ATP10A: variants seen among roughly 807,000 people sequenced by gnomAD.
ATP10A encodes the protein phospholipid-transporting ATPase VA.
ATP10A carries 111 observed loss-of-function variants against 147.8 expected under a neutral mutation model. The observed-to-expected ratio is 0.75, with a 90% confidence interval of 0.64 to 0.88. ATP10A has a LOEUF of 0.88. Ranked by LOEUF, ATP10A falls within the 40% of genes least tolerant of loss-of-function variation. The pLI, the probability that ATP10A is intolerant of heterozygous loss-of-function variation, is 0.00. For synonymous variants in ATP10A, 875 were observed against 841.6 expected (o/e 1.04, Z -0.69); for missense variants, 1,927 against 1,959.0 (o/e 0.98, Z 0.31).
chr15:25,716,707 C>A, intron 9 of ATP10A, 23 bp downstream of exon 9: 1 of 1,539,920 alleles, frequency 6.5e-7, no homozygotes, highest in Non-Finnish European at 8.8e-7. Flanking sequence ...CAAGGTCAAG[C>A]TCAGGGACCC....
intron 10 of ATP10A, among the ~76,000 whole-genome samples, chr15:25,711,277 G>T (rs527549864): frequency 6.6e-6 from 1 of 152,106 alleles, no homozygotes; most frequent in Non-Finnish European, 1.5e-5. Context: ...TCTGGAGTGG[G>T]ACACCTCTGT....
intron 3 of ATP10A, among the ~76,000 whole-genome samples, chr15:25,735,814 ACCT>A (rs1284463633): frequency 1.3e-5 from 2 of 152,078 alleles, no homozygotes; most frequent in African/African-American, 4.8e-5. Flanking sequence ...GAAAAGCGGT[ACCT>A]CCTCCTCACA....
At chr15:25,822,892 T>C (rs181067847) in intron 1 of ATP10A, among the ~76,000 whole-genome samples, 3 of 152,326 alleles carry the variant, frequency 2.0e-5, no homozygotes, top group Non-Finnish European at 2.9e-5. Context: ...TAGATTCCTA[T>C]GTAATATTTT....
At position 25,691,704 on chromosome 15, in the gene ATP10A, T is replaced by C. The variant is rs922024777; in HGVS notation, c.3165+11A>G. ...CAATTGGTCACACAGAATAGCCTGATTGGTCTTTACCTGCATACCCTCCTG... is the reference window on the plus strand; with the variant it reads ...CAATTGGTCACACAGAATAGCCTGACTGGTCTTTACCTGCATACCCTCCTG... On this transcript the variant is annotated intron_variant, in intron 15 of 20. Transcript: ENST00000555815. The C allele has an allele frequency of 3.1e-6, 5 of 1,613,962 alleles. No individual in the cohort carries two copies. The highest frequency in any genetic ancestry group is 4.5e-5 in the East Asian group (2 of 44,886).
At chr15:25,809,766 G>T (rs974752147) in intron 1 of ATP10A, among the ~76,000 whole-genome samples, 7 of 152,120 alleles carry the variant, frequency 4.6e-5, no homozygotes, top group African/African-American at 1.7e-4. Flanking sequence ...GCAACATACT[G>T]TAACTTAAGC....
intron 14 of ATP10A, among the ~76,000 whole-genome samples, chr15:25,692,435 C>A (rs1431292897): frequency 1.3e-5 from 2 of 152,178 alleles, no homozygotes; most frequent in Admixed American, 1.3e-4. Flanking sequence ...CACTCCGTGA[C>A]GGTCACCATT....
intron 1 of ATP10A, among the ~76,000 whole-genome samples, chr15:25,833,632 C>G (rs1892463039): frequency 6.6e-6 from 1 of 152,192 alleles, no homozygotes; most frequent in South Asian, 2.1e-4. Context: ...CTCTCAGTTC[C>G]TATGTTACTC....
intron 1 of ATP10A, among the ~76,000 whole-genome samples, chr15:25,784,301 C>T (rs902771634): frequency 3.3e-5 from 5 of 152,272 alleles, no homozygotes; most frequent in African/African-American, 1.2e-4. Context: ...CAGTCCTGGG[C>T]CTCACCCTGG....
Position 25,727,151 on chromosome 15 carries a change from C to A in ATP10A, c.847+9G>T. ...CTGGCGGCAGGTGGTGCCAGGTGCC[C>A]GAGCCTACCTGCGTAGATGACAATG... is the stretch of plus-strand genomic sequence containing the variant. On this transcript the variant is annotated intron_variant, in intron 4 of 20. Transcript: ENST00000555815. 6.2e-7 allele frequency: 1 copy of A among 1,610,768 alleles called. No individual in the cohort carries two copies. The highest frequency in any genetic ancestry group is 8.5e-7 in the Non-Finnish European group (1 of 1,176,984).
Position 25,862,799 on chromosome 15 carries a change from C to G in ATP10A, c.298G>C (p.Val100Leu), listed in dbSNP as rs140289242. 4,222 of 1,610,470 alleles carry G rather than the reference C, an allele frequency of 2.6e-3. 13 individuals carry two copies. The highest frequency in any genetic ancestry group is 3.4e-3 in the South Asian group (307 of 90,414). The change falls in exon 1 of 21, where the codon GTG becomes CTG. Residue 100 changes from valine (V) to leucine (L), a missense_variant. By Grantham distance (32) the Val-to-Leu change is conservative. Coordinates refer to ENST00000555815, the MANE Select transcript of ATP10A (RefSeq NM_024490.4). ...GGCTGGAAGGCGTTCACCGCCGGCA[C>G]GAAGTTGAGCAGCGCGATGAAGACA... ...YFVFIALLNF[V>L]PAVNAFQPGL...
intron 2 of ATP10A, among the ~76,000 whole-genome samples, chr15:25,775,365 T>C (rs1368952773): frequency 4.6e-5 from 7 of 152,314 alleles, no homozygotes; most frequent in Admixed American, 2.6e-4. Flanking sequence ...CTGACTCTCC[T>C]TTGTAAAGAA....
intron 1 of ATP10A, among the ~76,000 whole-genome samples, chr15:25,819,011 T>C (rs1220486639): frequency 6.6e-6 from 1 of 152,162 alleles, no homozygotes; most frequent in Non-Finnish European, 1.5e-5. Context: ...CTGCTGGACG[T>C]TGGTCTAGGC....
chr15:25,812,202 T>C (rs1006191146), intron 1 of ATP10A, among the ~76,000 whole-genome samples: 2 of 152,234 alleles, frequency 1.3e-5, no homozygotes, highest in African/African-American at 2.4e-5. Flanking sequence ...TTCCTTAGTT[T>C]CTGACTTTTC....
chr15:25,807,648 C>A (rs887551313), intron 1 of ATP10A, among the ~76,000 whole-genome samples: 3 of 151,958 alleles, frequency 2.0e-5, no homozygotes, highest in Non-Finnish European at 4.4e-5. Flanking sequence ...ATGAAAAATA[C>A]AAAATTAGCT....
chr15:25,694,949 G>C lies in ATP10A; in HGVS notation c.2958C>G (p.Asn986Lys). The change falls in exon 14 of 21, where the codon AAC (asparagine) becomes AAG (lysine). Residue 986 changes from asparagine to lysine, a missense_variant. Asn to Lys is a moderately conservative substitution (Grantham distance 94). Coordinates refer to ENST00000555815, the MANE Select transcript of ATP10A (RefSeq NM_024490.4). ...GRSLAYALEK[N>K]LEDKFLFLAK... ...CAAGGAAGAGGAATTTGTCCTCCAG[G>C]TTTTTCTCGAGAGCGTAGGCCAGGC... 6.2e-7 allele frequency: 1 copy of C among 1,614,202 alleles called. No homozygotes were observed. The highest frequency in any genetic ancestry group is 8.5e-7 in the Non-Finnish European group (1 of 1,180,046).
chr15:25,765,856 C>T (rs1193257820), intron 2 of ATP10A, among the ~76,000 whole-genome samples: 1 of 152,216 alleles, frequency 6.6e-6, no homozygotes, highest in Admixed American at 6.5e-5. Flanking sequence ...CAGGGCAGTG[C>T]TGAGGGCGGC....
chr15:25,679,668 C>A lies in ATP10A; in HGVS notation c.4173G>T (p.Pro1391=). The A allele has an allele frequency of 1.2e-6, 2 of 1,613,314 alleles. No individual in the cohort carries two copies. Among genetic ancestry groups the A allele is most frequent in the East Asian group, 2.2e-5 (1 of 44,868 alleles). Residue 1391 remains proline (P), a synonymous_variant, in exon 21 of 21, where the codon CCG becomes CCT. Transcript: ENST00000555815. ...EHTLLEGLSA[P]APMSSAPGEA... is the part of the protein sequence containing the mutation. ...CCCCTGGCGCAGAGGACATGGGGGCCGGTGCGCTCAGCCCCTCCAGCAGGG... is the reference window on the plus strand; with the variant it reads ...CCCCTGGCGCAGAGGACATGGGGGCAGGTGCGCTCAGCCCCTCCAGCAGGG...
chr15:25,675,085 G>T (rs1412406355), downstream of ATP10A, among the ~76,000 whole-genome samples: 1 of 152,326 alleles, frequency 6.6e-6, no homozygotes, highest in East Asian at 1.9e-4. Flanking sequence ...CACGCTGCTC[G>T]GGGAATTTTG....
intron 2 of ATP10A, among the ~76,000 whole-genome samples, chr15:25,742,813 C>T (rs1030607113): frequency 6.6e-6 from 1 of 152,138 alleles, no homozygotes; most frequent in African/African-American, 2.4e-5. Flanking sequence ...CCCTCTTGAA[C>T]GTATTTGTAC....
Sources: gnomAD v4.1 joint callset for allele counts (sites outside exome capture counted in the v4.1 genomes callset) on GRCh38, gnomAD v4.1.1 for gene constraint, MANE v1.5 for transcripts, NCBI Gene and HGNC (gene_info 2026-07-23, HGNC 2026-07-21) for gene names.